The following LARP1B variants were observed in gnomAD, a reference collection of about 807,000 sequenced individuals.
LARP1B encodes the protein la-related protein 1B.
A neutral mutation model predicts 114.2 loss-of-function variants in LARP1B; 76 were observed. The ratio of observed to expected loss-of-function variants is 0.67; its 90% CI spans 0.55 to 0.81. The LOEUF (loss-of-function observed/expected upper bound fraction) is 0.81. Ranked by LOEUF, LARP1B falls within the 30% of genes least tolerant of loss-of-function variation. The pLI, the probability that LARP1B is intolerant of heterozygous loss-of-function variation, is 0.00. For synonymous variants in LARP1B, 345 were observed against 348.0 expected, an observed-to-expected ratio of 0.99 and a Z score of 0.10; for missense variants, 1,014 against 1,075.8, an observed-to-expected ratio of 0.94 and a Z score of 0.80.
chr4:128,220,733 G>T (rs1366096804), intron 7 of LARP1B, among the ~76,000 whole-genome samples: 1 of 152,126 alleles, frequency 6.6e-6, no homozygotes, highest in African/African-American at 2.4e-5. Context: ...TAACTCTTGA[G>T]ATGTGAACAA....
chr4:128,114,298 A>T (rs890437405), intron 9 of LARP1B, among the ~76,000 whole-genome samples: 1 of 152,230 alleles, frequency 6.6e-6, no homozygotes, highest in African/African-American at 2.4e-5. Flanking sequence ...TGTCATAATT[A>T]GGAAGTGACT....
chr4:128,095,648 T>C (rs1777647966), intron 7 of LARP1B, among the ~76,000 whole-genome samples: 2 of 152,130 alleles, frequency 1.3e-5, no homozygotes, highest in South Asian at 2.1e-4. Flanking sequence ...TTAAAATAAG[T>C]TGATTTATTT....
intron 13 of LARP1B, among the ~76,000 whole-genome samples, chr4:128,177,364 A>T (rs1249936220): frequency 1.3e-5 from 2 of 151,922 alleles, no homozygotes; most frequent in Non-Finnish European, 2.9e-5. Context: ...AAAAGTTGTT[A>T]TATGAATCAA....
intron 11 of LARP1B, among the ~76,000 whole-genome samples, chr4:128,154,758 T>C (rs1384856953): frequency 6.6e-6 from 1 of 152,200 alleles, no homozygotes; most frequent in Non-Finnish European, 1.5e-5. Flanking sequence ...TTATACTGAA[T>C]TGTAATCTGT....
chr4:128,109,853 T>C lies in LARP1B; in HGVS notation c.988+2540T>C, dbSNP rs1371325912. Among the ~76,000 whole-genome samples, 3 of 152,192 alleles carry C rather than the reference T, an allele frequency of 2.0e-5. No individual in the cohort carries two copies. The East Asian group carries it at 5.8e-4, about 29-fold the overall frequency. On this transcript the variant is annotated intron_variant, in intron 9 of 19. Transcript: ENST00000326639. ...CTCCCAAGGTACAAAAAAAAAATCATACCAGAGATGAAATGTATATGGTGA... is the reference window on the plus strand; with the variant it reads ...CTCCCAAGGTACAAAAAAAAAATCACACCAGAGATGAAATGTATATGGTGA...
chr4:128,188,483 G>T (rs1751103064), intron 15 of LARP1B, among the ~76,000 whole-genome samples: 1 of 151,952 alleles, frequency 6.6e-6, no homozygotes, highest in Admixed American at 6.6e-5. Flanking sequence ...TTGATTTTTT[G>T]TACTTGTTTT....
chr4:128,152,833 CT>C (rs1009557820), intron 11 of LARP1B, among the ~76,000 whole-genome samples: 4 of 152,028 alleles, frequency 2.6e-5, no homozygotes, highest in African/African-American at 9.7e-5. Flanking sequence ...ATGTTGTCAT[CT>C]GTTCAGCACA....
chr4:128,114,518 A>T (rs1785153500), intron 9 of LARP1B, 52 bp from the exon 10 acceptor site: 1 of 1,319,526 alleles, frequency 7.6e-7, no homozygotes, highest in Admixed American at 2.1e-5. Context: ...TGTATTTTGT[A>T]AGTAAGAAAA....
chr4:128,090,153 A>G (rs183279322), intron 5 of LARP1B, among the ~76,000 whole-genome samples: 1 of 151,344 alleles, frequency 6.6e-6, no homozygotes, highest in African/African-American at 2.4e-5. Flanking sequence ...GCTCAATGCA[A>G]CCCCTGCCTC....
chr4:128,156,079 C>A (rs1735481882), intron 11 of LARP1B: 3 of 1,598,794 alleles, frequency 1.9e-6, no homozygotes, highest in Admixed American at 3.4e-5. Context: ...TCCTTTCACC[C>A]CCAGCCTGGT....
At chr4:128,207,183 T>C in intron 18 of LARP1B, 73 bp from the exon 19 acceptor site, 3 of 656,116 alleles carry the variant, frequency 4.6e-6, no homozygotes, top group Non-Finnish European at 6.7e-6. Context: ...TTATTGCTGA[T>C]AGGATTATAT....
intron 17 of LARP1B, among the ~76,000 whole-genome samples, chr4:128,205,645 T>C (rs903670995): frequency 1.3e-5 from 2 of 152,082 alleles, no homozygotes; most frequent in Non-Finnish European, 2.9e-5. Context: ...TGTACCATTA[T>C]AGTTGAATGG....
chr4:128,082,884 T>C (rs1368330607), intron 5 of LARP1B, among the ~76,000 whole-genome samples: 3 of 150,884 alleles, frequency 2.0e-5, no homozygotes, highest in Admixed American at 6.6e-5. Flanking sequence ...GGCAGGGTCA[T>C]AGGACAATAG....
intron 6 of LARP1B, among the ~76,000 whole-genome samples, chr4:128,217,733 C>T (rs1759626185): frequency 1.3e-5 from 1 of 76,010 alleles, no homozygotes; most frequent in Non-Finnish European, 2.5e-5. Context: ...AAAACTGGCA[C>T]AAGACAGGGA....
At chr4:128,150,359 CA>C (rs201273808) in intron 11 of LARP1B, among the ~76,000 whole-genome samples, 3,969 of 148,246 alleles carry the variant, frequency 0.027, 160 homozygotes, top group African/African-American at 0.094. Context: ...GTGGTGAGAT[CA>C]TAGCGTACTG....
chr4:128,092,752 A>G (rs1215886573), intron 7 of LARP1B: 4 of 985,268 alleles, frequency 4.1e-6, no homozygotes, highest in African/African-American at 3.5e-5. Context: ...ACTTGTTTAT[A>G]TTGTTCTTGC....
chr4:128,075,478 A>G (rs1767447046), intron 3 of LARP1B, among the ~76,000 whole-genome samples: 1 of 152,146 alleles, frequency 6.6e-6, no homozygotes, highest in Non-Finnish European at 1.5e-5. Context: ...TAACATTGGT[A>G]ATGAACTTGT....
intron 1 of LARP1B, among the ~76,000 whole-genome samples, chr4:128,070,802 A>G (rs1764976924): frequency 6.6e-6 from 1 of 152,012 alleles, no homozygotes; most frequent in Non-Finnish European, 1.5e-5. Context: ...TCTCAATTAA[A>G]AAAAAAAATA....
intron 12 of LARP1B, among the ~76,000 whole-genome samples, chr4:128,172,969 G>GTGTGTGTGTGTA (rs1292893502): frequency 1.3e-5 from 2 of 151,378 alleles, no homozygotes; most frequent in Non-Finnish European, 2.9e-5. Flanking sequence ...GTGTGTGTGT[G>GTGTGTGTGTGTA]TGTATGTGTA....
Sources: gnomAD v4.1 joint callset for allele counts (sites outside exome capture counted in the v4.1 genomes callset) on GRCh38, gnomAD v4.1.1 for gene constraint, MANE v1.5 for transcripts, NCBI Gene and HGNC (gene_info 2026-07-23, HGNC 2026-07-21) for gene names.